EBF1: variants seen among roughly 807,000 people sequenced by gnomAD.
EBF1 encodes transcription factor COE1.
Under a neutral mutation model 68.4 loss-of-function variants are expected in EBF1, and 10 were observed. The ratio of observed to expected loss-of-function variants is 0.15; its 90% CI spans 0.09 to 0.25. The LOEUF (loss-of-function observed/expected upper bound fraction) is 0.25. Ranked by LOEUF, EBF1 falls within the 10% of genes least tolerant of loss-of-function variation. The probability of loss-of-function intolerance (pLI) is 1.00; values close to 1 mark genes in which losing one functional copy is unlikely to be tolerated. For missense variants in EBF1, 509 were observed against 794.4 expected, an observed-to-expected ratio of 0.64 and a Z score of 4.32; for synonymous variants, 298 against 299.8, an observed-to-expected ratio of 0.99 and a Z score of 0.06.
intron 6 of EBF1, among the ~76,000 whole-genome samples, chr5:159,006,291 T>C (rs554328667): frequency 7.9e-5 from 12 of 152,180 alleles, no homozygotes; most frequent in African/African-American, 2.9e-4. Flanking sequence ...CTGGGTGATA[T>C]CACAAATAAT....
At chr5:158,918,053 G>A (rs949140322) in intron 6 of EBF1, among the ~76,000 whole-genome samples, 8 of 152,144 alleles carry the variant, frequency 5.3e-5, no homozygotes, top group African/African-American at 1.9e-4. Flanking sequence ...GGCTCCCTAG[G>A]CCTCACTCTC....
At chr5:158,942,382 AAGTTACTTC>A in intron 6 of EBF1, among the ~76,000 whole-genome samples, 1 of 152,348 alleles carries the variant, frequency 6.6e-6, no homozygotes, top group African/African-American at 2.4e-5. Flanking sequence ...AACCTTGGGC[AAGTTACTTC>A]AGCTATTTTA....
At chr5:158,843,440 C>G (rs1178346138) in intron 6 of EBF1, among the ~76,000 whole-genome samples, 1 of 152,198 alleles carries the variant, frequency 6.6e-6, no homozygotes, top group Non-Finnish European at 1.5e-5. Context: ...TGTCAGCAGC[C>G]CATCGTTAGC....
intron 6 of EBF1, among the ~76,000 whole-genome samples, chr5:158,847,318 C>T (rs973601874): frequency 3.9e-5 from 6 of 152,180 alleles, no homozygotes; most frequent in Non-Finnish European, 8.8e-5. Flanking sequence ...CCACGTAGGT[C>T]TCCTCATACT....
intron 5 of EBF1, among the ~76,000 whole-genome samples, chr5:159,076,807 T>TATAC (rs1304912170): frequency 6.6e-6 from 1 of 151,970 alleles, no homozygotes; most frequent in Non-Finnish European, 1.5e-5. Context: ...TAAATATATA[T>TATAC]ATACACACAC....
At position 159,063,562 on chromosome 5, in the gene EBF1, C is replaced by T. The variant is rs975358821; in HGVS notation, c.554+9834G>A. Among the ~76,000 whole-genome samples the T allele has an allele frequency of 1.1e-4, 16 of 152,158 alleles. 1 individual carries two copies. The highest frequency in any genetic ancestry group is 2.9e-5 in the Non-Finnish European group (2 of 68,022). ...CAACCCTGAGACACTGAGAAAGCTG[C>T]ATGAAGCCAGGAACTATGTTTGTCT... On this transcript the variant is annotated intron_variant, in intron 6 of 15. Coordinates refer to ENST00000313708, the MANE Select transcript of EBF1 (RefSeq NM_024007.5).
At chr5:159,027,995 C>T (rs1043962889) in intron 6 of EBF1, among the ~76,000 whole-genome samples, 42 of 152,164 alleles carry the variant, frequency 2.8e-4, no homozygotes, top group African/African-American at 8.9e-4. Flanking sequence ...AAAAATGACA[C>T]GGACTTGGTA....
At chr5:158,868,076 C>T (rs74598123) in intron 6 of EBF1, among the ~76,000 whole-genome samples, 8,222 of 151,904 alleles carry the variant, frequency 0.054, 294 homozygotes, top group Non-Finnish European at 0.071. Context: ...ATATCAGGGA[C>T]GGGATTCAAA....
intron 6 of EBF1, among the ~76,000 whole-genome samples, chr5:159,043,090 AAC>A: frequency 6.6e-6 from 1 of 152,336 alleles, no homozygotes; most frequent in East Asian, 1.9e-4. Context: ...TTGTTTCAAC[AAC>A]ACCAAGCAAT....
rs867172077 is a variant in EBF1, at chr5:158,698,786, G to A, written c.*325C>T. 1.6e-5 allele frequency: 4 copies of A among 252,368 alleles called. No homozygotes were observed. The highest frequency in any genetic ancestry group is 2.3e-5 in the African/African-American group (1 of 43,906). The allele number at this position is 252,368 out of a possible 1,614,324, so 15.6% of individuals were successfully genotyped here. ...TAGTGTCCCTTGTATAGAGCTTTAC[G>A]GTTTATAAAAGACAAATGATTGCAG... is the stretch of plus-strand genomic sequence containing the variant. On this transcript the variant is annotated 3_prime_UTR_variant, in exon 16 of 16. Transcript: ENST00000313708.
chr5:158,974,782 TATA>T (rs1242661236), intron 6 of EBF1, among the ~76,000 whole-genome samples: 2 of 152,184 alleles, frequency 1.3e-5, no homozygotes, highest in African/African-American at 4.8e-5. Context: ...CCTGGGAGAT[TATA>T]AAGACTTCAC....
intron 10 of EBF1, 98 bp downstream of exon 10, chr5:158,777,315 T>G: frequency 7.7e-7 from 1 of 1,303,992 alleles, no homozygotes. Context: ...TTTAACTAGA[T>G]TTTAAAATAA....
intron 6 of EBF1, among the ~76,000 whole-genome samples, chr5:158,924,077 T>C (rs1809046991): frequency 6.6e-6 from 1 of 152,142 alleles, no homozygotes; most frequent in African/African-American, 2.4e-5. Context: ...CAAGACAAAG[T>C]TTTTAGTCAT....
chr5:158,938,238 C>A (rs1014724063), intron 6 of EBF1, among the ~76,000 whole-genome samples: 1 of 152,150 alleles, frequency 6.6e-6, no homozygotes, highest in Non-Finnish European at 1.5e-5. Flanking sequence ...AATCAATCAC[C>A]TCCTTTTTGC....
At chr5:158,730,468 T>C (rs1186115984) in intron 11 of EBF1, among the ~76,000 whole-genome samples, 1 of 152,250 alleles carries the variant, frequency 6.6e-6, no homozygotes, top group Non-Finnish European at 1.5e-5. Flanking sequence ...TGGTGACATA[T>C]ATGACTCTGT....
At position 158,696,139 on chromosome 5, in the gene EBF1, A is replaced by C. The variant is rs1036329246; in HGVS notation, c.*2972T>G. On this transcript the variant is annotated 3_prime_UTR_variant, in exon 16 of 16. Transcript: ENST00000313708. ...TTCATTTAAGCTGCATCCTAGTACA[A>C]TGTGAGGCCAGGGCAATGTTATGCA... 4.6e-5 allele frequency: 10 copies of C among 217,922 alleles called. No individual in the cohort carries two copies. The highest frequency in any genetic ancestry group is 1.6e-4 in the African/African-American group (7 of 44,482). 13.5% of individuals were successfully genotyped at this position (217,922 alleles called of 1,614,324 possible).
chr5:158,822,748 G>A (rs1281005514), intron 8 of EBF1, among the ~76,000 whole-genome samples: 1 of 152,170 alleles, frequency 6.6e-6, no homozygotes, highest in African/African-American at 2.4e-5. Flanking sequence ...AAGAGGATGG[G>A]TTCATTATAA....
At chr5:159,040,371 G>T (rs1770945246) in intron 6 of EBF1, among the ~76,000 whole-genome samples, 1 of 152,164 alleles carries the variant, frequency 6.6e-6, no homozygotes, top group Non-Finnish European at 1.5e-5. Flanking sequence ...CCACCAAAAT[G>T]GCTATGATCC....
intron 6 of EBF1, among the ~76,000 whole-genome samples, chr5:158,869,108 G>T (rs1348762680): frequency 6.6e-6 from 1 of 152,202 alleles, no homozygotes; most frequent in Non-Finnish European, 1.5e-5. Context: ...GTGTGTACGT[G>T]TGTGTATGTG....
Sources: gnomAD v4.1 joint callset for allele counts (sites outside exome capture counted in the v4.1 genomes callset) on GRCh38, gnomAD v4.1.1 for gene constraint, MANE v1.5 for transcripts, NCBI Gene and HGNC (gene_info 2026-07-23, HGNC 2026-07-21) for gene names.